Variants in AUTS2 observed in about 807,000 individuals in gnomAD.
AUTS2 encodes the protein autism susceptibility gene 2 protein.
Under a neutral mutation model 112.4 loss-of-function variants are expected in AUTS2, and 17 were observed. The observed-to-expected ratio is 0.15, with a 90% confidence interval of 0.10 to 0.23. The LOEUF (loss-of-function observed/expected upper bound fraction) is 0.23, where lower values mean the gene tolerates loss of function less well. Among genes scored for constraint, AUTS2 ranks in the 10% least tolerant of loss-of-function variants. The pLI is 1.00. For missense variants in AUTS2, 1,510 were observed against 1,701.6 expected (o/e 0.89, Z 1.98); for synonymous variants, 751 against 702.7 (o/e 1.07, Z -1.09).
intron 2 of AUTS2, among the ~76,000 whole-genome samples, chr7:70,021,821 CT>C (rs1388145439): frequency 6.6e-6 from 1 of 152,080 alleles, no homozygotes; most frequent in African/African-American, 2.4e-5. Flanking sequence ...TTTGAATCTC[CT>C]TTAGGAAAGG....
In AUTS2 at chr7:70,132,355, G is replaced by A. The variant is rs77384086; in HGVS notation, c.625-2181G>A. 2.9e-3 allele frequency among the ~76,000 whole-genome samples: 441 copies of A among 152,024 alleles called. 5 individuals are homozygous for A. Among genetic ancestry groups the A allele is most frequent in the African/African-American group, 0.01 (427 of 41,458 alleles). On this transcript the variant is annotated intron_variant, in intron 3 of 18. Transcript: ENST00000342771. ...GTGTGCCCGTGTCTAGGGGAGGGGAGTTATAAGGCAGGGTGCTTAAATGCT... is the reference window on the plus strand; with the variant it reads ...GTGTGCCCGTGTCTAGGGGAGGGGAATTATAAGGCAGGGTGCTTAAATGCT...
At chr7:70,405,649 G>C (rs560202815) in intron 4 of AUTS2, among the ~76,000 whole-genome samples, 1 of 152,178 alleles carries the variant, frequency 6.6e-6, no homozygotes, top group Non-Finnish European at 1.5e-5. Flanking sequence ...AAGGTAGAGT[G>C]AATTTCTTCA....
chr7:70,449,560 A>G (rs1185501264), intron 5 of AUTS2, among the ~76,000 whole-genome samples: 8 of 152,204 alleles, frequency 5.3e-5, no homozygotes, highest in Non-Finnish European at 1.0e-4. Flanking sequence ...CTAGGAAGCA[A>G]AACCTAATCT....
rs1208333340 is a variant in AUTS2 at position 70,503,852 on chromosome 7, A to G, written c.690+68071A>G. On this transcript the variant is annotated intron_variant, in intron 5 of 18. Transcript: ENST00000342771. ...GTTTTTAAAAATAAGGAAAAAAAAAAAAAGAAGAAAGAAAACCGGCCAAAA... is the reference window on the plus strand; with the variant it reads ...GTTTTTAAAAATAAGGAAAAAAAAAGAAAGAAGAAAGAAAACCGGCCAAAA... Among the ~76,000 whole-genome samples the G allele has an allele frequency of 2.6e-5, 4 of 151,488 alleles. No individual in the cohort carries two copies. The East Asian group carries it at 5.8e-4, about 22-fold the overall frequency.
At chr7:70,456,921 G>A (rs376961783) in intron 5 of AUTS2, among the ~76,000 whole-genome samples, 3 of 152,340 alleles carry the variant, frequency 2.0e-5, no homozygotes, top group African/African-American at 2.4e-5. Flanking sequence ...GCGACTTCCT[G>A]CAGTTTGACT....
chr7:70,611,056 G>A (rs567127290), intron 5 of AUTS2, among the ~76,000 whole-genome samples: 9 of 152,302 alleles, frequency 5.9e-5, no homozygotes, highest in Admixed American at 2.6e-4. Context: ...ATGTCATGGG[G>A]TATTTCCCCT....
chr7:70,160,227 A>G (rs1271202560), intron 4 of AUTS2, among the ~76,000 whole-genome samples: 1 of 152,164 alleles, frequency 6.6e-6, no homozygotes, highest in Non-Finnish European at 1.5e-5. Context: ...GACCAAATAT[A>G]TTTCAACTAA....
chr7:70,727,745 G>C (rs1787123464), intron 6 of AUTS2, among the ~76,000 whole-genome samples: 1 of 152,198 alleles, frequency 6.6e-6, no homozygotes, highest in Non-Finnish European at 1.5e-5. Flanking sequence ...CTATGTCTTG[G>C]TTTTATAAGA....
chr7:70,248,055 C>T (rs906130124), intron 4 of AUTS2, among the ~76,000 whole-genome samples: 2 of 152,056 alleles, frequency 1.3e-5, no homozygotes, highest in Admixed American at 1.3e-4. Context: ...ATCTGTAATT[C>T]GGGGGTTAAA....
chr7:69,811,071 A>T (rs1304448775), intron 1 of AUTS2, among the ~76,000 whole-genome samples: 1 of 152,130 alleles, frequency 6.6e-6, no homozygotes, highest in East Asian at 1.9e-4. Context: ...CTCTCATTTG[A>T]GAAGTTCTCA....
chr7:69,651,203 T>C lies in AUTS2; in HGVS notation c.309+51241T>C, dbSNP rs566652903. 2.6e-5 allele frequency among the ~76,000 whole-genome samples: 4 copies of C among 152,324 alleles called. No homozygotes were observed. The South Asian group carries it at 8.3e-4, about 32-fold the overall frequency. On this transcript the variant is annotated intron_variant, in intron 1 of 18. Transcript: ENST00000342771. ...AGGAACGGGGTGTGAAACAAACTTA[T>C]GACATCTCTGGCAAGTAGTGCATAC...
chr7:69,683,708 C>T (rs1024123740), intron 1 of AUTS2, among the ~76,000 whole-genome samples: 3 of 151,740 alleles, frequency 2.0e-5, no homozygotes, highest in African/African-American at 7.3e-5. Context: ...ATCAGCCTGG[C>T]CTGTTACATA....
chr7:70,481,293 G>A (rs956053630), intron 5 of AUTS2, among the ~76,000 whole-genome samples: 2 of 152,198 alleles, frequency 1.3e-5, no homozygotes, highest in Non-Finnish European at 1.5e-5. Flanking sequence ...CCCTAACCAA[G>A]GGAGGCCGAA....
rs762789546 is a variant in AUTS2 at position 70,134,560 on chromosome 7, A to G, written c.649A>G (p.Thr217Ala). Residue 217 changes from threonine (T) to alanine (A), a missense_variant, in exon 4 of 19, where the codon ACA becomes GCA. By Grantham distance (58) the Thr-to-Ala change is moderately conservative. Coordinates refer to ENST00000342771, the MANE Select transcript of AUTS2 (RefSeq NM_015570.4). Reference protein sequence around the residue: ...SDSSAPSSLGTGYFCDSDSDQ... With the variant: ...SDSSAPSSLGAGYFCDSDSDQ... Reference sequence around the variant, plus strand: ...GAGTTCAGCTCCTTCCAGCTTGGGAACAGGCTACTTCGTAAGTCTATCTCA... The same window carrying G: ...GAGTTCAGCTCCTTCCAGCTTGGGAGCAGGCTACTTCGTAAGTCTATCTCA... The G allele has an allele frequency of 2.5e-5, 41 of 1,613,814 alleles. No individual in the cohort carries two copies. The South Asian group carries it at 4.3e-4, about 17-fold the overall frequency.
intron 4 of AUTS2, among the ~76,000 whole-genome samples, chr7:70,275,289 T>G (rs1487587890): frequency 6.6e-6 from 1 of 152,182 alleles, no homozygotes; most frequent in Non-Finnish European, 1.5e-5. Flanking sequence ...TTATGCTGAT[T>G]GAAATAAACT....
chr7:70,219,758 G>C (rs914664885), intron 4 of AUTS2, among the ~76,000 whole-genome samples: 3 of 151,974 alleles, frequency 2.0e-5, no homozygotes, highest in Non-Finnish European at 2.9e-5. Flanking sequence ...TTTTAGTAGA[G>C]ACAGGGTTTC....
chr7:70,155,232 G>A (rs902843115), intron 4 of AUTS2, among the ~76,000 whole-genome samples: 3 of 152,154 alleles, frequency 2.0e-5, no homozygotes, highest in Non-Finnish European at 4.4e-5. Context: ...CTGAGCTCTG[G>A]GGAGGGTTCG....
intron 4 of AUTS2, among the ~76,000 whole-genome samples, chr7:70,136,560 A>T (rs1481779850): frequency 6.6e-6 from 1 of 152,232 alleles, no homozygotes; most frequent in Admixed American, 6.5e-5. Flanking sequence ...AACTTACATT[A>T]GTTCTTTGCC....
intron 4 of AUTS2, among the ~76,000 whole-genome samples, chr7:70,254,431 A>G (rs1371935080): frequency 2.3e-5 from 3 of 129,232 alleles, no homozygotes; most frequent in Non-Finnish European, 5.0e-5. Flanking sequence ...TACAAAGACC[A>G]TCATGAATTC....
Sources: allele counts gnomAD v4.1 joint callset (sites outside exome capture counted in the v4.1 genomes callset), GRCh38; gene constraint gnomAD v4.1.1; transcripts MANE v1.5; gene names NCBI Gene and HGNC (gene_info 2026-07-23, HGNC 2026-07-21).